The following ZBED1 variants were observed in gnomAD, a reference collection of about 807,000 sequenced individuals.
ZBED1 encodes E3 SUMO-protein ligase ZBED1.
A neutral mutation model predicts 49.7 loss-of-function variants in ZBED1; 19 were observed. That is an observed-to-expected ratio of 0.38 (90% confidence interval 0.27 to 0.56). The LOEUF (loss-of-function observed/expected upper bound fraction) is 0.56. Ranked by LOEUF, ZBED1 falls within the 20% of genes least tolerant of loss-of-function variation. The pLI, the probability that ZBED1 is intolerant of heterozygous loss-of-function variation, is 0.70. For missense variants in ZBED1, 806 were observed against 972.6 expected, an observed-to-expected ratio of 0.83 and a Z score of 2.28; for synonymous variants, 439 against 440.3, an observed-to-expected ratio of 1.00 and a Z score of 0.04.
intron 1 of ZBED1, among the ~76,000 whole-genome samples, chrX:2,495,048 CATT>C (rs967530213): frequency 4.7e-5 from 7 of 150,392 alleles, no homozygotes; most frequent in African/African-American, 1.2e-4. Context: ...ATTCTATTGT[CATT>C]ATTATTATTA....
In ZBED1 at chrX:2,489,621, G is replaced by T. The variant is rs778372636; in HGVS notation, c.1099C>A (p.Gln367Lys). 1 of 1,612,570 alleles carries T rather than the reference G, an allele frequency of 6.2e-7. No homozygotes were observed. The highest frequency in any genetic ancestry group is 8.5e-7 in the Non-Finnish European group (1 of 1,179,820). The change falls in exon 2 of 2, where the codon CAG becomes AAG. Residue 367 changes from glutamine (Q) to lysine (K), a missense_variant. Gln to Lys is a moderately conservative substitution (Grantham distance 53). Transcript: ENST00000652001. ...TLAMLQRLKE[Q>K]QFVIAGVLVE... ...AAGACCCCGGCGATGACGAACTGCT[G>T]CTCCTTGAGGCGCTGCAGCATGGCC...
chrX:2,496,232 C>T (rs150555248), intron 1 of ZBED1, among the ~76,000 whole-genome samples: 6,466 of 151,924 alleles, frequency 0.043, 443 homozygotes, highest in African/African-American at 0.15. Context: ...GGAGTCTCGC[C>T]CTGTTGCCCA....
At position 2,489,603 on chromosome X, in the gene ZBED1, CG is replaced by C. The variant is rs2045066665; in HGVS notation, c.1116del (p.Val374SerfsTer49). On this transcript the variant is annotated frameshift_variant, in exon 2 of 2. Coordinates refer to ENST00000652001, the MANE Select transcript of ZBED1 (RefSeq NM_001171136.2). LOFTEE classifies it high-confidence loss of function. The part of the protein sequence containing the change: ...QRLKEQQFVI[A>X]GVLVEDSNNH... The stretch of plus-strand genomic sequence containing the variant: ...TTGTTGCTGTCCTCCACCAAGACCC[CG>C]GCGATGACGAACTGCTGCTCCTTGA... 1 of 1,612,510 alleles carries C rather than the reference CG, an allele frequency of 6.2e-7. No individual in the cohort carries two copies. The highest frequency in any genetic ancestry group is 1.1e-5 in the South Asian group (1 of 90,986).
chrX:2,493,092 G>C (rs1193009555), intron 1 of ZBED1, among the ~76,000 whole-genome samples: 2 of 152,220 alleles, frequency 1.3e-5, no homozygotes, highest in Non-Finnish European at 2.9e-5. Flanking sequence ...GGTGCAAGGA[G>C]GGGGGTCCTG....
At position 2,488,516 on chromosome X, in the gene ZBED1, G is replaced by A. The variant is rs1269518384; in HGVS notation, c.*119C>T. On this transcript the variant is annotated 3_prime_UTR_variant, in exon 2 of 2. Transcript: ENST00000652001. ...ATCTCTTTCCTTTTTCCACCTTCTAGGTGTCAAAGACAGTGGATGGTCTCT... is the reference window on the plus strand; with the variant it reads ...ATCTCTTTCCTTTTTCCACCTTCTAAGTGTCAAAGACAGTGGATGGTCTCT... 3.9e-6 allele frequency: 5 copies of A among 1,277,272 alleles called. No individual in the cohort carries two copies. Among genetic ancestry groups the A allele is most frequent in the South Asian group, 1.6e-5 (1 of 63,900 alleles). The allele number at this position is 1,277,272 out of a possible 1,614,324, so 79.1% of individuals were successfully genotyped here.
In ZBED1 at chrX:2,488,871, C is replaced by A; in HGVS notation, c.1849G>T (p.Ala617Ser). 2 of 1,612,756 alleles carry A rather than the reference C, an allele frequency of 1.2e-6. No homozygotes were observed. The highest frequency in any genetic ancestry group is 2.2e-5 in the East Asian group (1 of 44,868). Residue 617 changes from alanine (A) to serine (S), a missense_variant, in exon 2 of 2, where the codon GCC becomes TCC. Ala to Ser is a moderately conservative substitution (Grantham distance 99). Around this residue, in one of 2 missense-constraint regions of ZBED1, gnomAD observed 749 missense variants for 861.3 expected, o/e 0.87. Coordinates refer to ENST00000652001, the MANE Select transcript of ZBED1 (RefSeq NM_001171136.2). ...GCGGATCCGAAGAGACGCTCAGGGG[C>A]GACGCGCGTGGCCGTCACGCACCAG... ...KYWCVTATRV[A>S]PERLFGSAAN...
At chrX:2,495,066 T>C (rs1415554531) in intron 1 of ZBED1, among the ~76,000 whole-genome samples, 1 of 151,266 alleles carries the variant, frequency 6.6e-6, no homozygotes, top group African/African-American at 2.4e-5. Context: ...TTATTATTGT[T>C]ATTATTTGGC....
intron 1 of ZBED1, among the ~76,000 whole-genome samples, chrX:2,492,122 C>T (rs35528491): frequency 5.9e-5 from 9 of 152,078 alleles, no homozygotes; most frequent in Non-Finnish European, 8.8e-5. Context: ...GGTTGAAAAG[C>T]GTCCTCCCCT....
intron 1 of ZBED1, among the ~76,000 whole-genome samples, chrX:2,492,910 C>A (rs984371760): frequency 6.6e-6 from 1 of 152,230 alleles, no homozygotes; most frequent in Non-Finnish European, 1.5e-5. Context: ...TAATTTTGCC[C>A]GAAATAATGA....
At position 2,488,546 on chromosome X, in the gene ZBED1, T is replaced by G; in HGVS notation, c.*89A>C. ...CAAAGACAGTGGATGGTCTCTGAGG[T>G]TCAAAACCAAGCTGACCGGGTAAGT... On this transcript the variant is annotated 3_prime_UTR_variant, in exon 2 of 2. Transcript: ENST00000652001. 2.7e-6 allele frequency: 4 copies of G among 1,471,258 alleles called. No individual in the cohort carries two copies. The South Asian group carries it at 5.6e-5, about 20-fold the overall frequency. The allele number at this position is 1,471,258 out of a possible 1,614,324, so 91.1% of individuals were successfully genotyped here.
chrX:2,496,728 C>G (rs2045294486), intron 1 of ZBED1, among the ~76,000 whole-genome samples: 1 of 151,886 alleles, frequency 6.6e-6, no homozygotes, highest in Non-Finnish European at 1.5e-5. Flanking sequence ...TTCCACAATG[C>G]AAACATACAG....
intron 1 of ZBED1, among the ~76,000 whole-genome samples, chrX:2,491,234 T>C (rs2045135510): frequency 6.6e-6 from 1 of 152,102 alleles, no homozygotes; most frequent in East Asian, 1.9e-4. Context: ...CACGCCTGGC[T>C]AATTTTTGTA....
At position 2,500,938 on chromosome X, in the gene ZBED1, C is replaced by G. The variant is rs991999478; in HGVS notation, c.-175G>C. On this transcript the variant is annotated 5_prime_UTR_variant, in exon 1 of 2. Coordinates refer to ENST00000652001, the MANE Select transcript of ZBED1 (RefSeq NM_001171136.2). ...ACAATGGCGACATGGCTGCCCCGGC[C>G]GCGCCGCCGCCGCTTCCGCGCCGCC... 280 of 1,051,606 alleles carry G rather than the reference C, an allele frequency of 2.7e-4. 1 individual carries two copies. Among genetic ancestry groups the G allele is most frequent in the Middle Eastern group, 4.4e-4 (1 of 2,276 alleles). The allele number at this position is 1,051,606 out of a possible 1,614,324, so 65.1% of individuals were successfully genotyped here.
In ZBED1 at chrX:2,489,841, G is replaced by A; in HGVS notation, c.879C>T (p.His293=). The A allele has an allele frequency of 6.2e-7, 1 of 1,613,708 alleles. No individual in the cohort carries two copies. The highest frequency in any genetic ancestry group is 8.5e-7 in the Non-Finnish European group (1 of 1,179,876). The change falls in exon 2 of 2, where the codon CAC becomes CAT. Residue 293 remains histidine (H), a synonymous_variant. Transcript: ENST00000652001. ...CCTGCTGGATGCCGGCATTGAAGGTGTGGCCCAGGCAGGGCATGTGCACTG... is the reference window on the plus strand; with the variant it reads ...CCTGCTGGATGCCGGCATTGAAGGTATGGCCCAGGCAGGGCATGTGCACTG... ...DVAVHMPCLG[H]TFNAGIQQAF...
At chrX:2,499,094 G>C (rs1317024049) in intron 1 of ZBED1, among the ~76,000 whole-genome samples, 1 of 152,126 alleles carries the variant, frequency 6.6e-6, no homozygotes, top group African/African-American at 2.4e-5. Context: ...CTCCAGGCAC[G>C]CTTCTCAAAG....
Position 2,500,873 on chromosome X carries a change from G to A in ZBED1, c.-110C>T, listed in dbSNP as rs1304725327. On this transcript the variant is annotated 5_prime_UTR_variant, in exon 1 of 2. Coordinates refer to ENST00000652001, the MANE Select transcript of ZBED1 (RefSeq NM_001171136.2). ...CAGCAGCTGCGCCAGGATCACCGCG[G>A]CGCCTACCGCGTAGACCCGCAGGGC... 5.2e-6 allele frequency: 6 copies of A among 1,158,254 alleles called. No homozygotes were observed. Among genetic ancestry groups the A allele is most frequent in the African/African-American group, 1.7e-5 (1 of 60,508 alleles). The allele number at this position is 1,158,254 out of a possible 1,614,324, so 71.7% of individuals were successfully genotyped here.
In ZBED1 at chrX:2,489,204, C is replaced by T; in HGVS notation, c.1516G>A (p.Asp506Asn). 1 of 1,613,828 alleles carries T rather than the reference C, an allele frequency of 6.2e-7. No individual in the cohort carries two copies. Among genetic ancestry groups the T allele is most frequent in the South Asian group, 1.1e-5 (1 of 91,076 alleles). Residue 506 changes from aspartate (D) to asparagine (N), a missense_variant, in exon 2 of 2, where the codon GAC becomes AAC. This residue lies in a region of ZBED1 where 749 missense variants were observed against 861.3 expected (regional missense o/e 0.87). Transcript: ENST00000652001. ...RVVEEAKGLLDKVKDGGYRPA... is the reference protein window; with the variant it reads ...RVVEEAKGLLNKVKDGGYRPA... ...CGGTAGCCGCCGTCTTTGACCTTGTCCAGCAGGCCCTTGGCCTCTTCCACC... is the reference window on the plus strand; with the variant it reads ...CGGTAGCCGCCGTCTTTGACCTTGTTCAGCAGGCCCTTGGCCTCTTCCACC...
Position 2,489,420 on chromosome X carries a change from G to A in ZBED1, c.1300C>T (p.Leu434Phe), listed in dbSNP as rs770247718. The A allele has an allele frequency of 5.6e-6, 9 of 1,613,938 alleles. No homozygotes were observed. The highest frequency in any genetic ancestry group is 7.6e-6 in the Non-Finnish European group (9 of 1,179,874). ...PLLHMLLNTT[L>F]NIKETDSKEL... ...TTGGAGTCGGTCTCCTTGATGTTGA[G>A]CGTGGTGTTCAGGAGCATGTGCAGC... Residue 434 changes from leucine to phenylalanine, a missense_variant, in exon 2 of 2, where the codon CTC (leucine) becomes TTC (phenylalanine). Leu to Phe is a conservative substitution (Grantham distance 22). Coordinates refer to ENST00000652001, the MANE Select transcript of ZBED1 (RefSeq NM_001171136.2).
Position 2,487,170 on chromosome X carries a change from A to G in ZBED1, c.*1465T>C, listed in dbSNP as rs1411805355. On this transcript the variant is annotated 3_prime_UTR_variant, in exon 2 of 2. Transcript: ENST00000652001. ...GACTGAAAGCAACTCGCAGGAATCC[A>G]GCCACGGAAAACCCCTCCGGGGGCA... The G allele has an allele frequency of 6.6e-5, 10 of 152,268 alleles. No individual in the cohort carries two copies. Among genetic ancestry groups the G allele is most frequent in the Non-Finnish European group, 1.2e-4 (8 of 68,046 alleles). The allele number at this position is 152,268 out of a possible 1,614,324, so 9.4% of individuals were successfully genotyped here. A position where few individuals can be genotyped will look rare whatever the true frequency, so the allele number is the denominator to read the frequency against.
Sources: gnomAD v4.1 joint callset for allele counts (sites outside exome capture counted in the v4.1 genomes callset) on GRCh38, gnomAD v4.1.1 for gene constraint, gnomAD v4.1.1 regional missense constraint, MANE v1.5 for transcripts, NCBI Gene and HGNC (gene_info 2026-07-23, HGNC 2026-07-21) for gene names.